Variants in CNTN5 observed in about 807,000 individuals in gnomAD.
CNTN5 encodes contactin-5.
Under a neutral mutation model 129.1 loss-of-function variants are expected in CNTN5, and 77 were observed. The observed-to-expected ratio is 0.60, with a 90% CI of 0.50 to 0.72. The LOEUF is 0.72. Ranked by LOEUF, CNTN5 falls within the 30% of genes least tolerant of loss-of-function variation. The pLI is 0.00. For synonymous variants in CNTN5, 509 were observed against 465.6 expected, an observed-to-expected ratio of 1.09 and a Z score of -1.20; for missense variants, 1,478 against 1,328.8, an observed-to-expected ratio of 1.11 and a Z score of -1.75.
In CNTN5 at chr11:99,572,435, A is replaced by G. The variant is rs568672297; in HGVS notation, c.55+16166A>G. On this transcript the variant is annotated intron_variant, in intron 3 of 24. Transcript: ENST00000524871. The stretch of plus-strand genomic sequence containing the variant: ...CTGAAAGAACAAACCGGTAGAAGCT[A>G]CAGAATAGCAAAGGGTAGAATTAGT... Among the ~76,000 whole-genome samples the G allele has an allele frequency of 7.2e-5, 11 of 152,308 alleles. No individual in the cohort carries two copies. In the East Asian group the frequency reaches 2.1e-3, roughly 29 times the overall value.
intron 2 of CNTN5, among the ~76,000 whole-genome samples, chr11:99,450,768 G>GTTTTTTTTTTTTTT (rs34146715): frequency 6.7e-5 from 7 of 105,004 alleles, no homozygotes; most frequent in Non-Finnish European, 7.6e-5. Flanking sequence ...ATTGAAGCAA[G>GTTTTTTTTTTTTTT]TTTTTTTTTT....
chr11:100,076,831 C>A (rs761985756), intron 13 of CNTN5, among the ~76,000 whole-genome samples: 3 of 152,084 alleles, frequency 2.0e-5, no homozygotes. Context: ...GACAGGCACA[C>A]TTACAAAATA....
intron 3 of CNTN5, among the ~76,000 whole-genome samples, chr11:99,797,755 G>T (rs1285620039): frequency 6.6e-6 from 1 of 152,026 alleles, no homozygotes; most frequent in Non-Finnish European, 1.5e-5. Flanking sequence ...TTATTTTGCT[G>T]TGAAGAATCG....
intron 15 of CNTN5, among the ~76,000 whole-genome samples, chr11:100,197,515 T>C (rs1467970620): frequency 6.6e-6 from 1 of 151,936 alleles, no homozygotes; most frequent in Non-Finnish European, 1.5e-5. Context: ...GCATTTACTA[T>C]GGTGTCCTGA....
intron 6 of CNTN5, among the ~76,000 whole-genome samples, chr11:99,863,814 T>C (rs1948281112): frequency 6.6e-6 from 1 of 152,204 alleles, no homozygotes; most frequent in African/African-American, 2.4e-5. Context: ...CAAGCTTTAA[T>C]TGCAATTCAA....
At chr11:99,410,482 G>A (rs960990184) in intron 2 of CNTN5, among the ~76,000 whole-genome samples, 1 of 152,116 alleles carries the variant, frequency 6.6e-6, no homozygotes. Context: ...TGCCTGATGT[G>A]AGTCCAAACT....
intron 1 of CNTN5, among the ~76,000 whole-genome samples, chr11:99,245,278 T>G (rs1861759874): frequency 6.6e-6 from 1 of 152,188 alleles, no homozygotes; most frequent in Non-Finnish European, 1.5e-5. Context: ...TCCCTTTCTA[T>G]ATTTCTATAG....
chr11:99,579,261 C>A (rs376601997), intron 3 of CNTN5, among the ~76,000 whole-genome samples: 7 of 151,044 alleles, frequency 4.6e-5, no homozygotes, highest in South Asian at 2.1e-4. Context: ...AGTCAGGTAG[C>A]GTGATGCCTC....
intron 2 of CNTN5, among the ~76,000 whole-genome samples, chr11:99,425,834 T>C (rs1591034727): frequency 1.3e-5 from 2 of 152,328 alleles, no homozygotes; most frequent in Admixed American, 1.3e-4. Flanking sequence ...GCCAGATCCA[T>C]GGGGCACATA....
chr11:99,765,962 T>C (rs911956702), intron 3 of CNTN5, among the ~76,000 whole-genome samples: 1 of 152,034 alleles, frequency 6.6e-6, no homozygotes, highest in African/African-American at 2.4e-5. Flanking sequence ...AAGAGCAACC[T>C]CTAGGCTTCT....
At chr11:100,181,917 C>T (rs1948149356) in intron 13 of CNTN5, among the ~76,000 whole-genome samples, 1 of 151,900 alleles carries the variant, frequency 6.6e-6, no homozygotes, top group Non-Finnish European at 1.5e-5. Context: ...ACTGAAGTTC[C>T]AATCAAAATC....
intron 2 of CNTN5, among the ~76,000 whole-genome samples, chr11:99,364,919 T>A (rs1032832952): frequency 6.6e-6 from 1 of 152,034 alleles, no homozygotes; most frequent in African/African-American, 2.4e-5. Flanking sequence ...ATTCACGTCT[T>A]AAATAGATCA....
intron 1 of CNTN5, among the ~76,000 whole-genome samples, chr11:99,259,249 T>C (rs1862520909): frequency 6.6e-6 from 1 of 151,806 alleles, no homozygotes; most frequent in African/African-American, 2.4e-5. Flanking sequence ...TTTTGTATAC[T>C]CCCCCTCTTT....
At chr11:100,282,785 ACACT>A (rs751787318) in intron 18 of CNTN5, among the ~76,000 whole-genome samples, 2 of 136,994 alleles carry the variant, frequency 1.5e-5, no homozygotes, top group African/African-American at 2.8e-5. Context: ...AGCTGAGTTG[ACACT>A]CAAACCACAA....
chr11:99,613,474 C>A (rs1383972579), intron 3 of CNTN5, among the ~76,000 whole-genome samples: 3 of 152,128 alleles, frequency 2.0e-5, no homozygotes, highest in African/African-American at 7.2e-5. Context: ...ATTACCCAGT[C>A]TTGGGCAGTT....
intron 22 of CNTN5, 115 bp downstream of exon 22, chr11:100,340,764 G>A (rs1263751030): frequency 1.1e-6 from 1 of 946,278 alleles, no homozygotes; most frequent in African/African-American, 1.7e-5. Flanking sequence ...TTGATTCATA[G>A]TCTTGCTTCA....
At chr11:100,281,422 G>A (rs1950636598) in intron 18 of CNTN5, among the ~76,000 whole-genome samples, 2 of 151,858 alleles carry the variant, frequency 1.3e-5, no homozygotes, top group South Asian at 4.2e-4. Flanking sequence ...CTCTCTCCTG[G>A]CCTGTAAAGT....
At chr11:99,380,255 C>T (rs1940458542) in intron 2 of CNTN5, among the ~76,000 whole-genome samples, 1 of 152,118 alleles carries the variant, frequency 6.6e-6, no homozygotes, top group African/African-American at 2.4e-5. Context: ...GAGAATACTA[C>T]ACACTTTACA....
chr11:99,814,612 G>A (rs1033523390), intron 3 of CNTN5, among the ~76,000 whole-genome samples: 6 of 152,110 alleles, frequency 3.9e-5, no homozygotes, highest in African/African-American at 7.2e-5. Context: ...CAGTGTGCCT[G>A]AAGGTGCATT....
Sources: gnomAD v4.1 joint callset for allele counts (sites outside exome capture counted in the v4.1 genomes callset) on GRCh38, gnomAD v4.1.1 for gene constraint, MANE v1.5 for transcripts, NCBI Gene and HGNC (gene_info 2026-07-23, HGNC 2026-07-21) for gene names.